The following TMEM232 variants were observed in gnomAD, a reference collection of about 807,000 sequenced individuals.
TMEM232 encodes transmembrane protein 232.
A neutral mutation model predicts 78.8 loss-of-function variants in TMEM232; 80 were observed. The ratio of observed to expected loss-of-function variants is 1.01; its 90% CI spans 0.85 to 1.22. The LOEUF is 1.22. Among genes scored for constraint, TMEM232 ranks in the 50% most tolerant of loss-of-function variants. The pLI is 0.00. For missense variants in TMEM232, 881 were observed against 742.2 expected (o/e 1.19, Z -2.17); for synonymous variants, 297 against 254.3 (o/e 1.17, Z -1.60).
rs74982995 is a variant in TMEM232 at position 110,548,208 on chromosome 5, A to T, written c.1456-19373T>A. On this transcript the variant is annotated intron_variant, in intron 11 of 13. Transcript: ENST00000455884. ...TGGGTAAGCTTGAAGAATACTGATTACATAAAGCAATAATAATATACTGGT... is the reference window on the plus strand; with the variant it reads ...TGGGTAAGCTTGAAGAATACTGATTTCATAAAGCAATAATAATATACTGGT... Among the ~76,000 whole-genome samples the T allele has an allele frequency of 5.4e-4, 82 of 151,390 alleles. 1 individual carries two copies. In the East Asian group the frequency reaches 0.015, roughly 28 times the overall value.
intron 2 of TMEM232, among the ~76,000 whole-genome samples, chr5:110,664,548 G>T (rs1790292642): frequency 6.6e-6 from 1 of 152,154 alleles, no homozygotes; most frequent in Non-Finnish European, 1.5e-5. Context: ...AAAAGTATTG[G>T]AAACAAACGT....
Position 110,554,183 on chromosome 5 carries a change from G to T in TMEM232, c.1455+14264C>A, listed in dbSNP as rs1774795898. Reference sequence around the variant, plus strand: ...CATTTGAGTCAGTGGGCTGAGAAAGGCAGACCCACCCTTAATCTGGGTGAG... The same window carrying T: ...CATTTGAGTCAGTGGGCTGAGAAAGTCAGACCCACCCTTAATCTGGGTGAG... On this transcript the variant is annotated intron_variant, in intron 11 of 13. Coordinates refer to ENST00000455884, the MANE Select transcript of TMEM232 (RefSeq NM_001039763.4). Among the ~76,000 whole-genome samples, 4 of 152,090 alleles carry T rather than the reference G, an allele frequency of 2.6e-5. No homozygotes were observed. The South Asian group carries it at 8.3e-4, about 32-fold the overall frequency.
At chr5:110,716,318 G>A (rs1303183614) in intron 1 of TMEM232, among the ~76,000 whole-genome samples, 1 of 152,124 alleles carries the variant, frequency 6.6e-6, no homozygotes, top group African/African-American at 2.4e-5. Context: ...TGATTCAAGT[G>A]CATTCCATTT....
At position 110,433,815 on chromosome 5, in the gene TMEM232, C is replaced by T. The variant is rs148821067; in HGVS notation, c.1704-8899G>A. Among the ~76,000 whole-genome samples, 623 of 152,104 alleles carry T rather than the reference C, an allele frequency of 4.1e-3. 2 individuals carry two copies. The highest frequency in any genetic ancestry group is 0.014 in the African/African-American group (583 of 41,524). Reference sequence around the variant, plus strand: ...TTCCATATGTTGAACCATCTTAAATCCCAGGAATAAAGCCCACTTGATCAT... The same window carrying T: ...TTCCATATGTTGAACCATCTTAAATTCCAGGAATAAAGCCCACTTGATCAT... On this transcript the variant is annotated intron_variant, in intron 12 of 13. Transcript: ENST00000455884.
intron 12 of TMEM232, among the ~76,000 whole-genome samples, chr5:110,520,529 T>A (rs886582912): frequency 4.6e-5 from 7 of 152,172 alleles, no homozygotes; most frequent in African/African-American, 1.7e-4. Flanking sequence ...AACAAGAGGA[T>A]CTAACAGGAC....
chr5:110,693,509 C>G (rs1794387269), intron 1 of TMEM232, among the ~76,000 whole-genome samples: 1 of 152,150 alleles, frequency 6.6e-6, no homozygotes, highest in South Asian at 2.1e-4. Context: ...CTACTCTGAG[C>G]TAAAGGAGGA....
intron 2 of TMEM232, among the ~76,000 whole-genome samples, chr5:110,661,777 G>A (rs1340276669): frequency 2.0e-5 from 3 of 152,188 alleles, no homozygotes; most frequent in Admixed American, 6.5e-5. Flanking sequence ...CAGTGTAGGA[G>A]CATTCCTCTT....
Position 110,686,624 on chromosome 5 carries a change from T to C in TMEM232, c.-12-19260A>G, listed in dbSNP as rs565780099. The stretch of plus-strand genomic sequence containing the variant: ...ATAGATAACCAGAACCCTTATTGAG[T>C]TGTATGAACACTTGTACATTTCACT... On this transcript the variant is annotated intron_variant, in intron 1 of 13. Coordinates refer to ENST00000455884, the MANE Select transcript of TMEM232 (RefSeq NM_001039763.4). Among the ~76,000 whole-genome samples the C allele has an allele frequency of 1.1e-4, 16 of 152,150 alleles. No homozygotes were observed. The South Asian group carries it at 2.9e-3, about 28-fold the overall frequency.
chr5:110,575,560 G>A (rs1301764293), intron 10 of TMEM232, among the ~76,000 whole-genome samples: 4 of 152,056 alleles, frequency 2.6e-5, no homozygotes, highest in African/African-American at 9.7e-5. Flanking sequence ...TGTGGCTCTT[G>A]TGGAGAGAAA....
intron 1 of TMEM232, among the ~76,000 whole-genome samples, chr5:110,672,876 T>C (rs531881912): frequency 4.6e-5 from 7 of 152,270 alleles, no homozygotes; most frequent in African/African-American, 1.2e-4. Context: ...CCACATTGCA[T>C]TGTGCATTAT....
At chr5:110,663,072 T>G (rs909316672) in intron 2 of TMEM232, among the ~76,000 whole-genome samples, 7 of 152,120 alleles carry the variant, frequency 4.6e-5, no homozygotes, top group African/African-American at 1.7e-4. Context: ...ATGTATGCCA[T>G]GATGCCCATA....
At chr5:110,405,555 T>C (rs899432696) in intron 2 of TMEM232, among the ~76,000 whole-genome samples, 1 of 151,636 alleles carries the variant, frequency 6.6e-6, no homozygotes, top group East Asian at 1.9e-4. Flanking sequence ...GATGAACTAT[T>C]GTGGGAGAGA....
At chr5:110,466,770 G>A (rs533218227) in intron 12 of TMEM232, among the ~76,000 whole-genome samples, 23 of 151,768 alleles carry the variant, frequency 1.5e-4, no homozygotes, top group Non-Finnish European at 2.5e-4. Context: ...CCACCACCAC[G>A]CCCGGCTAAT....
At chr5:110,582,546 A>G (rs1463778046) in intron 10 of TMEM232, among the ~76,000 whole-genome samples, 1 of 151,844 alleles carries the variant, frequency 6.6e-6, no homozygotes, top group East Asian at 1.9e-4. Flanking sequence ...CTGAAATACT[A>G]ATTATTGGGT....
intron 7 of TMEM232, among the ~76,000 whole-genome samples, chr5:110,624,242 T>C (rs1488287042): frequency 6.6e-6 from 1 of 152,140 alleles, no homozygotes; most frequent in African/African-American, 2.4e-5. Flanking sequence ...TAAATATATA[T>C]TTTCAGTAAT....
intron 11 of TMEM232, among the ~76,000 whole-genome samples, chr5:110,530,157 T>C (rs1425588777): frequency 6.6e-6 from 1 of 152,204 alleles, no homozygotes; most frequent in East Asian, 1.9e-4. Flanking sequence ...TTGAATTATT[T>C]AGACAAAAGT....
At chr5:110,597,432 T>C (rs1780307360) in intron 10 of TMEM232, among the ~76,000 whole-genome samples, 1 of 152,114 alleles carries the variant, frequency 6.6e-6, no homozygotes, top group Non-Finnish European at 1.5e-5. Context: ...AAAATGGCCA[T>C]ACTGCCCAAG....
At chr5:110,552,971 T>C (rs1774646270) in intron 11 of TMEM232, among the ~76,000 whole-genome samples, 1 of 152,128 alleles carries the variant, frequency 6.6e-6, no homozygotes, top group Admixed American at 6.5e-5. Flanking sequence ...TAGCCAGTGA[T>C]CCCAGCACCA....
Position 110,642,373 on chromosome 5 carries a change from T to G in TMEM232, c.126-2A>C. On this transcript the variant is annotated splice_acceptor_variant, in intron 2 of 13. Transcript: ENST00000455884. LOFTEE classifies it high-confidence loss of function. Reference sequence around the variant, plus strand: ...TCTTTTGTGATTGAAAATGTTGGCCTAAATAAAACATTGAAAAATTAACAT... The same window carrying G: ...TCTTTTGTGATTGAAAATGTTGGCCGAAATAAAACATTGAAAAATTAACAT... 6.7e-7 allele frequency: 1 copy of G among 1,491,334 alleles called. No individual in the cohort carries two copies. The highest frequency in any genetic ancestry group is 1.3e-5 in the South Asian group (1 of 74,848). The allele number at this position is 1,491,334 out of a possible 1,614,324, so 92.4% of individuals were successfully genotyped here. A position where few individuals can be genotyped will look rare whatever the true frequency, so the allele number is the denominator to read the frequency against.
Sources: allele counts gnomAD v4.1 joint callset (sites outside exome capture counted in the v4.1 genomes callset), GRCh38; gene constraint gnomAD v4.1.1; transcripts MANE v1.5; gene names NCBI Gene and HGNC (gene_info 2026-07-23, HGNC 2026-07-21).